The following PTPRM variants were observed in gnomAD, a reference collection of about 807,000 sequenced individuals.
PTPRM encodes the protein receptor-type tyrosine-protein phosphatase mu.
PTPRM carries 47 observed loss-of-function variants against 186.7 expected under a neutral mutation model. The observed-to-expected ratio is 0.25, with a 90% CI of 0.20 to 0.32. The LOEUF (loss-of-function observed/expected upper bound fraction) is 0.32, where lower values mean the gene tolerates loss of function less well. Ranked by LOEUF, PTPRM falls within the 10% of genes least tolerant of loss-of-function variation. The pLI is 1.00. For synonymous variants in PTPRM, 668 were observed against 674.9 expected, an observed-to-expected ratio of 0.99 and a Z score of 0.16; for missense variants, 1,494 against 1,865.0, an observed-to-expected ratio of 0.80 and a Z score of 3.66.
At position 8,024,708 on chromosome 18, in the gene PTPRM, G is replaced by C. The variant is rs1339307618; in HGVS notation, c.1133-44978G>C. On this transcript the variant is annotated intron_variant, in intron 7 of 32. Transcript: ENST00000580170. ...TTTTTTTTTTTTTTTTACTGAGTCA[G>C]GGTCTTGCTTTGTCACCCAGGCTGG... 2.1e-4 allele frequency among the ~76,000 whole-genome samples: 26 copies of C among 126,582 alleles called. No individual in the cohort carries two copies. The Admixed American group carries it at 2.2e-3, about 11-fold the overall frequency. The allele number at this position is 126,582 out of a possible 152,430, so 83.0% of individuals were successfully genotyped here. A position where few individuals can be genotyped will look rare whatever the true frequency, so the allele number is the denominator to read the frequency against.
rs771516937 is a variant in PTPRM at position 8,279,640 on chromosome 18, C to T, written c.2755-16728C>T. ...AGAACGTCTCCCTGCTCACATGAAA[C>T]GTGGCTTGACTAAGAACTCAGTGAT... is the stretch of plus-strand genomic sequence containing the variant. On this transcript the variant is annotated intron_variant, in intron 19 of 32. Transcript: ENST00000580170. Among the ~76,000 whole-genome samples, 4 of 152,148 alleles carry T rather than the reference C, an allele frequency of 2.6e-5. No individual in the cohort carries two copies. In the South Asian group the frequency reaches 6.2e-4, roughly 24 times the overall value.
rs1259778081 is a variant in PTPRM, at chr18:8,384,605, C to T, written c.3963C>T (p.Gly1321=). The change falls in exon 30 of 33, where the codon GGC becomes GGT. Residue 1321 remains glycine, a synonymous_variant. Coordinates refer to ENST00000580170, the MANE Select transcript of PTPRM (RefSeq NM_001105244.2). ...YWPENGVHRH[G]PIQVEFVSAD... is the part of the protein sequence containing the mutation. The stretch of plus-strand genomic sequence containing the variant: ...CAGAAAACGGAGTACACAGACACGG[C>T]CCCATCCAGGTGGAATTTGTCTCTG... The T allele has an allele frequency of 3.1e-6, 5 of 1,614,130 alleles. No homozygotes were observed. Among genetic ancestry groups the T allele is most frequent in the Non-Finnish European group, 4.2e-6 (5 of 1,179,950 alleles).
chr18:7,943,658 C>T (rs2052339127), intron 5 of PTPRM, among the ~76,000 whole-genome samples: 1 of 152,124 alleles, frequency 6.6e-6, no homozygotes, highest in South Asian at 2.1e-4. Flanking sequence ...GAATCTGGTC[C>T]TTGCCTTTTC....
At chr18:8,235,265 A>C (rs1352453422) in intron 14 of PTPRM, among the ~76,000 whole-genome samples, 1 of 152,100 alleles carries the variant, frequency 6.6e-6, no homozygotes, top group Non-Finnish European at 1.5e-5. Context: ...CTATAGGCCT[A>C]GTGAGATTGT....
chr18:7,640,086 G>A (rs2144167362), intron 1 of PTPRM, among the ~76,000 whole-genome samples: 1 of 152,258 alleles, frequency 6.6e-6, no homozygotes, highest in Non-Finnish European at 1.5e-5. Flanking sequence ...AGAATGGATG[G>A]ATGACTGGCA....
intron 14 of PTPRM, among the ~76,000 whole-genome samples, chr18:8,208,706 C>T (rs1459871458): frequency 1.3e-5 from 2 of 152,156 alleles, no homozygotes. Flanking sequence ...GAGACAGAAT[C>T]TCACTATGTT....
At chr18:7,777,342 A>G (rs2042637054) in intron 2 of PTPRM, among the ~76,000 whole-genome samples, 1 of 152,206 alleles carries the variant, frequency 6.6e-6, no homozygotes, top group Non-Finnish European at 1.5e-5. Context: ...AGTTAAAAAA[A>G]AAGCAAAAAG....
chr18:7,979,863 T>C (rs2082450341), intron 7 of PTPRM, among the ~76,000 whole-genome samples: 1 of 152,140 alleles, frequency 6.6e-6, no homozygotes, highest in East Asian at 1.9e-4. Flanking sequence ...ACACTTCCTC[T>C]TTCTGCCTGA....
intron 2 of PTPRM, among the ~76,000 whole-genome samples, chr18:7,884,848 C>T (rs761539560): frequency 7.5e-6 from 1 of 133,678 alleles, no homozygotes; most frequent in East Asian, 2.4e-4. Context: ...CGCTTGAACC[C>T]AGGAGGCAGA....
rs998305850 is a variant in PTPRM, at chr18:8,285,572, C to T, written c.2755-10796C>T. Among the ~76,000 whole-genome samples the T allele has an allele frequency of 7.2e-5, 11 of 152,336 alleles. No homozygotes were observed. In the East Asian group the frequency reaches 2.1e-3, roughly 29 times the overall value. ...AACCTTGGTTTGAGGCAAGCGTTCT[C>T]TCTCAGCCAAAGAAGGGCCTGGCCT... On this transcript the variant is annotated intron_variant, in intron 19 of 32. Transcript: ENST00000580170.
intron 7 of PTPRM, among the ~76,000 whole-genome samples, chr18:7,978,188 T>G (rs1007519080): frequency 6.6e-6 from 1 of 152,190 alleles, no homozygotes; most frequent in African/African-American, 2.4e-5. Flanking sequence ...AGGATGGGAT[T>G]GGACAGTAAG....
intron 5 of PTPRM, among the ~76,000 whole-genome samples, chr18:7,931,919 C>A (rs1179998344): frequency 6.6e-6 from 1 of 152,170 alleles, no homozygotes; most frequent in African/African-American, 2.4e-5. Context: ...TGTTTATGTA[C>A]CTATAGATGA....
At chr18:7,650,874 C>T (rs2038684831) in intron 1 of PTPRM, among the ~76,000 whole-genome samples, 1 of 150,750 alleles carries the variant, frequency 6.6e-6, no homozygotes, top group Non-Finnish European at 1.5e-5. Flanking sequence ...CTAAATGGAT[C>T]ATAAACTCAA....
intron 2 of PTPRM, among the ~76,000 whole-genome samples, chr18:7,832,872 G>C (rs1467609993): frequency 6.6e-6 from 1 of 152,162 alleles, no homozygotes; most frequent in Non-Finnish European, 1.5e-5. Flanking sequence ...TTATTGAAGA[G>C]ATTGTCTTTT....
intron 1 of PTPRM, among the ~76,000 whole-genome samples, chr18:7,578,471 G>T (rs1047784164): frequency 1.3e-5 from 2 of 151,912 alleles, no homozygotes; most frequent in African/African-American, 4.8e-5. Context: ...GAGTAGCTGG[G>T]GCTATAGGCG....
intron 23 of PTPRM, among the ~76,000 whole-genome samples, chr18:8,362,726 C>T (rs2095604550): frequency 6.6e-6 from 1 of 152,212 alleles, no homozygotes. Flanking sequence ...CTTCTGACTG[C>T]CAACAGCAGT....
intron 11 of PTPRM, among the ~76,000 whole-genome samples, chr18:8,095,054 C>T (rs1246979814): frequency 6.6e-6 from 1 of 152,070 alleles, no homozygotes; most frequent in Non-Finnish European, 1.5e-5. Context: ...GTTAAATACT[C>T]ATGAGGTTCA....
chr18:7,938,589 A>G (rs913117726), intron 5 of PTPRM, among the ~76,000 whole-genome samples: 7 of 152,204 alleles, frequency 4.6e-5, no homozygotes, highest in African/African-American at 1.2e-4. Context: ...TTTTAAGACC[A>G]CAGAACTTCT....
chr18:8,046,909 C>T (rs1325124561), intron 7 of PTPRM, among the ~76,000 whole-genome samples: 1 of 152,088 alleles, frequency 6.6e-6, no homozygotes, highest in East Asian at 1.9e-4. Context: ...GGGAGTGTTC[C>T]CCGCAACATC....
Sources: gnomAD v4.1 joint callset for allele counts (sites outside exome capture counted in the v4.1 genomes callset) on GRCh38, gnomAD v4.1.1 for gene constraint, MANE v1.5 for transcripts, NCBI Gene and HGNC (gene_info 2026-07-23, HGNC 2026-07-21) for gene names.